CA5A: variants seen among roughly 807,000 people sequenced by gnomAD.
CA5A encodes the protein carbonic anhydrase 5A, mitochondrial.
In CA5A, 28 loss-of-function variants were observed where a neutral mutation model predicts 37.1. The observed-to-expected ratio is 0.75, with a 90% CI of 0.56 to 1.03. CA5A has a LOEUF of 1.03. Among genes scored for constraint, CA5A ranks in the 50% least tolerant of loss-of-function variants. The probability of loss-of-function intolerance (pLI) is 0.00; values close to 1 mark genes in which losing one functional copy is unlikely to be tolerated. For synonymous variants in CA5A, 171 were observed against 158.4 expected, an observed-to-expected ratio of 1.08 and a Z score of -0.60; for missense variants, 444 against 399.9, an observed-to-expected ratio of 1.11 and a Z score of -0.94.
At position 87,926,938 on chromosome 16, in the gene CA5A, T is replaced by C; in HGVS notation, c.150A>G (p.Pro50=). Residue 50 remains proline, a synonymous_variant, in exon 2 of 7, where the codon CCA becomes CCG. Coordinates refer to ENST00000649794, the MANE Select transcript of CA5A (RefSeq NM_001739.2). ...AWQTSNNTLH[P]LWTVPVSVPG... The stretch of plus-strand genomic sequence containing the variant: ...GCACGGAGACCGGGACCGTCCAGAG[T>C]GGGTGCACTGCAGGGAGAGAGACGG... 6.4e-7 allele frequency: 1 copy of C among 1,574,376 alleles called. No homozygotes were observed. Among genetic ancestry groups the C allele is most frequent in the Non-Finnish European group, 8.6e-7 (1 of 1,158,192 alleles).
rs368061187 is a variant in CA5A at position 87,928,756 on chromosome 16, C to T, written c.143-1811G>A. Among the ~76,000 whole-genome samples the T allele has an allele frequency of 3.8e-3, 416 of 108,082 alleles. 6 individuals are homozygous for T. Among genetic ancestry groups the T allele is most frequent in the African/African-American group, 0.013 (378 of 28,352 alleles). The allele number at this position is 108,082 out of a possible 152,430, so 70.9% of individuals were successfully genotyped here. A position where few individuals can be genotyped will look rare whatever the true frequency, so the allele number is the denominator to read the frequency against. On this transcript the variant is annotated intron_variant, in intron 1 of 6. Coordinates refer to ENST00000649794, the MANE Select transcript of CA5A (RefSeq NM_001739.2). ...ATTCTCATCTGGATTATTTTCTTTTCTTTGTTTTTTTTTTTTTTTTTTTTT... is the reference window on the plus strand; with the variant it reads ...ATTCTCATCTGGATTATTTTCTTTTTTTTGTTTTTTTTTTTTTTTTTTTTT...
chr16:87,903,017 A>G (rs2055902901), intron 3 of CA5A, among the ~76,000 whole-genome samples: 1 of 151,654 alleles, frequency 6.6e-6, no homozygotes, highest in Non-Finnish European at 1.5e-5. Flanking sequence ...ACAGGAAGGA[A>G]CAGCCTCAGT....
At position 87,888,283 on chromosome 16, in the gene CA5A, G is replaced by C; in HGVS notation, c.775-11C>G. The C allele has an allele frequency of 6.2e-7, 1 of 1,608,456 alleles. No individual in the cohort carries two copies. The highest frequency in any genetic ancestry group is 2.2e-5 in the East Asian group (1 of 44,776). On this transcript the variant is annotated splice_polypyrimidine_tract_variant and intron_variant, in intron 6 of 6. Coordinates refer to ENST00000649794, the MANE Select transcript of CA5A (RefSeq NM_001739.2). The stretch of plus-strand genomic sequence containing the variant: ...ACGAAATGCAGAGAGCTGGAATAGA[G>C]GGCAGCCAGGGTGAGCTTGGTATGA...
intron 4 of CA5A, 42 bp from the exon 5 acceptor site, chr16:87,902,016 G>A (rs1362434896): frequency 2.6e-6 from 4 of 1,554,314 alleles, no homozygotes; most frequent in Non-Finnish European, 3.6e-6. Context: ...AAAGGCAGTG[G>A]ATGGGGGGGG....
At chr16:87,904,340 C>CAAAA (rs10648205) in intron 3 of CA5A, among the ~76,000 whole-genome samples, 2 of 139,436 alleles carry the variant, frequency 1.4e-5, no homozygotes, top group African/African-American at 5.1e-5. Flanking sequence ...AACCCTGTTT[C>CAAAA]AAAAAAAAAA....
intron 2 of CA5A, among the ~76,000 whole-genome samples, chr16:87,912,064 G>A (rs2056059686): frequency 6.6e-6 from 1 of 152,170 alleles, no homozygotes; most frequent in African/African-American, 2.4e-5. Flanking sequence ...CACTTTGGGA[G>A]GCTGAGGCGG....
intron 2 of CA5A, chr16:87,923,954 A>G (rs1257769953): frequency 2.0e-6 from 2 of 984,984 alleles, no homozygotes; most frequent in African/African-American, 1.7e-5. Flanking sequence ...GGCTGCATGA[A>G]GAATTTTTAA....
chr16:87,892,950 G>C (rs1297227618), intron 5 of CA5A: 40 of 886,042 alleles, frequency 4.5e-5, no homozygotes, highest in Non-Finnish European at 5.2e-5. Context: ...CCCGGCCTAT[G>C]GGCTCCTTTT....
At chr16:87,904,201 G>C (rs2055923345) in intron 3 of CA5A, among the ~76,000 whole-genome samples, 1 of 152,032 alleles carries the variant, frequency 6.6e-6, no homozygotes, top group African/African-American at 2.4e-5. Flanking sequence ...AATTAGCAGG[G>C]CCTGGTGGCA....
At position 87,926,649 on chromosome 16, in the gene CA5A, G is replaced by A. The variant is rs1242183584; in HGVS notation, c.340+99C>T. 4 of 925,094 alleles carry A rather than the reference G, an allele frequency of 4.3e-6. No homozygotes were observed. The African/African-American group carries it at 6.5e-5, about 15-fold the overall frequency. 57.3% of individuals were successfully genotyped at this position (925,094 alleles called of 1,614,324 possible). On this transcript the variant is annotated intron_variant, in intron 2 of 6. Coordinates refer to ENST00000649794, the MANE Select transcript of CA5A (RefSeq NM_001739.2). ...CTGCCCCAGCAGCACAAGGAAAGCA[G>A]CACCTTCCTGCTCTCCTCCCCCTTC...
intron 1 of CA5A, among the ~76,000 whole-genome samples, chr16:87,935,447 G>T (rs960760933): frequency 6.6e-6 from 1 of 152,208 alleles, no homozygotes; most frequent in African/African-American, 2.4e-5. Flanking sequence ...AGCCCATTCC[G>T]CCGGGTCTGG....
At chr16:87,902,881 C>T (rs1183481500) in intron 3 of CA5A, among the ~76,000 whole-genome samples, 1 of 150,436 alleles carries the variant, frequency 6.6e-6, no homozygotes, top group Admixed American at 6.6e-5. Context: ...CACTGCACTC[C>T]AGCCTGGGTG....
chr16:87,886,438 G>A (rs1262773508), downstream of CA5A: 1 of 152,162 alleles, frequency 6.6e-6, no homozygotes, highest in Non-Finnish European at 1.5e-5. Flanking sequence ...TATTTTTTAG[G>A]AGCTTTATTG....
chr16:87,920,714 G>T (rs867004514), intron 2 of CA5A, among the ~76,000 whole-genome samples: 1 of 151,868 alleles, frequency 6.6e-6, no homozygotes. Flanking sequence ...CGCCTCCCAG[G>T]TTCAAGCAAT....
Position 87,923,615 on chromosome 16 carries a change from T to C in CA5A, c.340+3133A>G, listed in dbSNP as rs2056260242. 6 of 985,464 alleles carry C rather than the reference T, an allele frequency of 6.1e-6. No homozygotes were observed. In the East Asian group the frequency reaches 5.7e-4, roughly 93 times the overall value. The allele number at this position is 985,464 out of a possible 1,614,324, so 61.0% of individuals were successfully genotyped here. A position where few individuals can be genotyped will look rare whatever the true frequency, so the allele number is the denominator to read the frequency against. On this transcript the variant is annotated intron_variant, in intron 2 of 6. Transcript: ENST00000649794. ...GTGAGGACATTAGCCGGGTGCCTGA[T>C]GCTCCACCAGCTGAGGGCTGGGTGT... is the stretch of plus-strand genomic sequence containing the variant.
chr16:87,918,782 A>T (rs2056190862), intron 2 of CA5A, among the ~76,000 whole-genome samples: 1 of 151,884 alleles, frequency 6.6e-6, no homozygotes, highest in Admixed American at 6.6e-5. Flanking sequence ...CCTGTCCTTC[A>T]TCTGAGGTTC....
At chr16:87,895,078 T>A (rs1423047673) in intron 5 of CA5A, among the ~76,000 whole-genome samples, 2 of 151,694 alleles carry the variant, frequency 1.3e-5, no homozygotes, top group African/African-American at 4.9e-5. Flanking sequence ...AACGAGACCC[T>A]GACTCTACAA....
rs1046600289 is a variant in CA5A, at chr16:87,929,735, G to A, written c.143-2790C>T. Among the ~76,000 whole-genome samples the A allele has an allele frequency of 5.3e-5, 8 of 151,940 alleles. No individual in the cohort carries two copies. The East Asian group carries it at 7.8e-4, about 15-fold the overall frequency. ...AAAATACAAAAAATTAGCCGGGCGT[G>A]GTGGCGGGCGCCTGTAGTCCCAGCT... On this transcript the variant is annotated intron_variant, in intron 1 of 6. Coordinates refer to ENST00000649794, the MANE Select transcript of CA5A (RefSeq NM_001739.2).
chr16:87,906,582 G>T (rs1184396051), intron 2 of CA5A, among the ~76,000 whole-genome samples: 1 of 152,060 alleles, frequency 6.6e-6, no homozygotes, highest in Non-Finnish European at 1.5e-5. Context: ...AGCTGAGAAC[G>T]TGCCACTGTA....
Sources: gnomAD v4.1 joint callset for allele counts (sites outside exome capture counted in the v4.1 genomes callset) on GRCh38, gnomAD v4.1.1 for gene constraint, MANE v1.5 for transcripts, NCBI Gene and HGNC (gene_info 2026-07-23, HGNC 2026-07-21) for gene names.